The following GGACT variants were observed in gnomAD, a reference collection of about 807,000 sequenced individuals.
The protein encoded by GGACT is gamma-glutamylaminecyclotransferase.
For missense variants in GGACT, 241 were observed against 233.2 expected, an observed-to-expected ratio of 1.03 and a Z score of -0.22; for synonymous variants, 118 against 115.3, an observed-to-expected ratio of 1.02 and a Z score of -0.15.
intron 2 of GGACT, among the ~76,000 whole-genome samples, chr13:100,555,985 G>A (rs1380977565): frequency 2.6e-5 from 4 of 152,122 alleles, no homozygotes; most frequent in Non-Finnish European, 4.4e-5. Context: ...GGACATCCTC[G>A]ATCTACTAAA....
intron 2 of GGACT, among the ~76,000 whole-genome samples, chr13:100,535,504 C>G (rs1334687649): frequency 6.6e-6 from 1 of 152,192 alleles, no homozygotes; most frequent in Non-Finnish European, 1.5e-5. Flanking sequence ...GTCACAGTAG[C>G]AGCCTGCCTC....
chr13:100,573,849 A>T (rs1450293026), intron 2 of GGACT, among the ~76,000 whole-genome samples: 1 of 150,480 alleles, frequency 6.6e-6, no homozygotes, highest in Non-Finnish European at 1.5e-5. Context: ...ATGAGATACC[A>T]TCTCACACCT....
intron 2 of GGACT, among the ~76,000 whole-genome samples, chr13:100,575,449 C>T (rs556364704): frequency 3.9e-5 from 6 of 152,262 alleles, no homozygotes; most frequent in East Asian, 3.9e-4. Context: ...TCACAAATTT[C>T]GACTTGTTTT....
intron 2 of GGACT, among the ~76,000 whole-genome samples, chr13:100,549,719 A>G (rs2088639572): frequency 6.6e-6 from 1 of 152,224 alleles, no homozygotes; most frequent in Admixed American, 6.5e-5. Flanking sequence ...AAAAGATGCT[A>G]ACTACCTGGA....
chr13:100,565,113 G>A (rs576917096), intron 2 of GGACT, among the ~76,000 whole-genome samples: 215 of 152,318 alleles, frequency 1.4e-3, no homozygotes, highest in African/African-American at 4.8e-3. Flanking sequence ...TTCCCACTGC[G>A]TATGTGGCTC....
At chr13:100,562,503 G>A (rs1018734108) in intron 2 of GGACT, among the ~76,000 whole-genome samples, 1 of 152,100 alleles carries the variant, frequency 6.6e-6, no homozygotes, top group Non-Finnish European at 1.5e-5. Flanking sequence ...ACTGGTAAGA[G>A]AGGCACATGA....
chr13:100,547,379 C>T (rs543961190), intron 2 of GGACT, among the ~76,000 whole-genome samples: 8 of 152,180 alleles, frequency 5.3e-5, no homozygotes, highest in African/African-American at 1.9e-4. Flanking sequence ...GATTGGGCAG[C>T]GGTTCCATGG....
At chr13:100,550,339 CACACACACACACACA>C (rs2088649470) in intron 2 of GGACT, among the ~76,000 whole-genome samples, 3 of 125,632 alleles carry the variant, frequency 2.4e-5, no homozygotes, top group Non-Finnish European at 5.1e-5. Flanking sequence ...CACACACACA[CACACACACACACACA>C]CCACTGGCCC....
At position 100,532,432 on chromosome 13, in the gene GGACT, G is replaced by A. The variant is rs2088420877; in HGVS notation, c.160C>T (p.Leu54=). The change falls in exon 3 of 3, where the codon CTG becomes TTG. Residue 54 remains leucine (L), a synonymous_variant. Coordinates refer to ENST00000683975, the MANE Select transcript of GGACT (RefSeq NM_001195087.2). ...AGGCGCCCCGAGCCGGGCAGGTGCA[G>A]CAGCCACGGGATGTTGTGCTCCCCC... is the stretch of plus-strand genomic sequence containing the variant. ...IAGEHNIPWL[L]HLPGSGRLVE... is the part of the protein sequence containing the mutation. 1.3e-6 allele frequency: 2 copies of A among 1,549,862 alleles called. No individual in the cohort carries two copies. Among genetic ancestry groups the A allele is most frequent in the Non-Finnish European group, 1.7e-6 (2 of 1,146,652 alleles).
intron 2 of GGACT, among the ~76,000 whole-genome samples, chr13:100,549,930 GT>G (rs779222549): frequency 6.6e-6 from 1 of 152,140 alleles, no homozygotes; most frequent in Admixed American, 6.5e-5. Flanking sequence ...GCCTGATTAA[GT>G]TTTTTTGTAT....
Position 100,531,191 on chromosome 13 carries a change from C to T in GGACT, c.*939G>A, listed in dbSNP as rs2088367660. The T allele has an allele frequency of 6.6e-6, 1 of 152,198 alleles. No homozygotes were observed. The highest frequency in any genetic ancestry group is 1.5e-5 in the Non-Finnish European group (1 of 68,030). The allele number at this position is 152,198 out of a possible 1,614,324, so 9.4% of individuals were successfully genotyped here. Reference sequence around the variant, plus strand: ...GCAAGAGCCGTGCACCGAGTTGAATCGATGCTGACAATTATCAGATGGAGG... The same window carrying T: ...GCAAGAGCCGTGCACCGAGTTGAATTGATGCTGACAATTATCAGATGGAGG... On this transcript the variant is annotated 3_prime_UTR_variant, in exon 3 of 3. Coordinates refer to ENST00000683975, the MANE Select transcript of GGACT (RefSeq NM_001195087.2).
At chr13:100,570,770 T>A (rs972438536) in intron 2 of GGACT, among the ~76,000 whole-genome samples, 1 of 152,188 alleles carries the variant, frequency 6.6e-6, no homozygotes, top group African/African-American at 2.4e-5. Context: ...CTCAGGTATG[T>A]CTTTATTAGC....
chr13:100,548,763 T>C lies in GGACT; in HGVS notation c.-10-16162A>G, dbSNP rs192524324. On this transcript the variant is annotated intron_variant, in intron 2 of 2. Transcript: ENST00000683975. ...TAAACAGAGGTCAAAGCCACACTCC[T>C]GTCAAACATCTGGGAAGAGGCCTTC... 3.3e-5 allele frequency among the ~76,000 whole-genome samples: 5 copies of C among 152,318 alleles called. No individual in the cohort carries two copies. The East Asian group carries it at 9.6e-4, about 29-fold the overall frequency.
chr13:100,585,596 C>T lies in GGACT; in HGVS notation c.-183-1599G>A, dbSNP rs571988956. ...CAGTGTGGCCAACATGGTGAAACCC[C>T]GTCTCTACTAAAAATACAAAAATTA... On this transcript the variant is annotated intron_variant, in intron 1 of 2. Transcript: ENST00000683975. Among the ~76,000 whole-genome samples the T allele has an allele frequency of 2.3e-4, 35 of 151,934 alleles. No individual in the cohort carries two copies. The South Asian group carries it at 5.0e-3, about 22-fold the overall frequency.
chr13:100,557,680 C>A (rs1407942816), intron 2 of GGACT, among the ~76,000 whole-genome samples: 2 of 151,984 alleles, frequency 1.3e-5, no homozygotes, highest in African/African-American at 4.8e-5. Flanking sequence ...TGATAGGACA[C>A]AAAAAGCACA....
chr13:100,585,515 C>G lies in GGACT; in HGVS notation c.-183-1518G>C, dbSNP rs191852576. Among the ~76,000 whole-genome samples the G allele has an allele frequency of 2.1e-4, 32 of 152,192 alleles. No homozygotes were observed. The East Asian group carries it at 5.6e-3, about 27-fold the overall frequency. On this transcript the variant is annotated intron_variant, in intron 1 of 2. Coordinates refer to ENST00000683975, the MANE Select transcript of GGACT (RefSeq NM_001195087.2). ...GAGCACGGTGGCTCACGGCTGTAAT[C>G]GCAGCACTTTGGGAGGCAGAGGCAG...
chr13:100,581,753 G>A (rs1457148615), intron 2 of GGACT, among the ~76,000 whole-genome samples: 1 of 152,178 alleles, frequency 6.6e-6, no homozygotes, highest in African/African-American at 2.4e-5. Flanking sequence ...CACTATTTCA[G>A]TCAGGTAATC....
intron 2 of GGACT, among the ~76,000 whole-genome samples, chr13:100,553,021 C>A (rs535281251): frequency 3.1e-4 from 47 of 150,828 alleles, no homozygotes; most frequent in Non-Finnish European, 6.2e-4. Context: ...GCAGAGGGGA[C>A]GGTGGGCTGT....
At chr13:100,546,305 T>C (rs190382363) in intron 2 of GGACT, among the ~76,000 whole-genome samples, 1 of 132,714 alleles carries the variant, frequency 7.5e-6, no homozygotes, top group African/African-American at 3.0e-5. Flanking sequence ...GAGCTTGCAG[T>C]AAGCCGAGAT....
Sources: allele counts gnomAD v4.1 joint callset (sites outside exome capture counted in the v4.1 genomes callset), GRCh38; gene constraint gnomAD v4.1.1; transcripts MANE v1.5; gene names NCBI Gene and HGNC (gene_info 2026-07-23, HGNC 2026-07-21).